The following MICAL3 variants were observed in gnomAD, a reference collection of about 807,000 sequenced individuals.
MICAL3 encodes the protein microtubule associated monooxygenase, calponin and LIM domain containing 3, also known as [F-actin]-monooxygenase MICAL3.
Under a neutral mutation model 207.4 loss-of-function variants are expected in MICAL3, and 62 were observed. That is an observed-to-expected ratio of 0.30 (90% CI 0.24 to 0.37). MICAL3 has a LOEUF of 0.37. Ranked by LOEUF, MICAL3 falls within the 10% of genes least tolerant of loss-of-function variation. MICAL3 has a pLI of 1.00. For synonymous variants in MICAL3, 1,077 were observed against 1,069.3 expected, an observed-to-expected ratio of 1.01 and a Z score of -0.14; for missense variants, 2,368 against 2,635.6, an observed-to-expected ratio of 0.90 and a Z score of 2.22.
intron 25 of MICAL3, 99 bp downstream of exon 25, chr22:17,821,328 G>T: frequency 1.9e-6 from 2 of 1,041,358 alleles, no homozygotes; most frequent in Non-Finnish European, 2.7e-6. Context: ...CCCCAGTCTT[G>T]GTGGGACCCA....
chr22:17,979,784 C>CAAA (rs35242147), intron 1 of MICAL3, among the ~76,000 whole-genome samples: 2 of 148,084 alleles, frequency 1.4e-5, no homozygotes, highest in African/African-American at 2.5e-5. Flanking sequence ...TTTAAAAAAA[C>CAAA]AAAAAAAAAC....
chr22:17,798,915 T>C lies in MICAL3; in HGVS notation c.5651-7614A>G, dbSNP rs1181410672. 6.6e-5 allele frequency among the ~76,000 whole-genome samples: 10 copies of C among 152,122 alleles called. No individual in the cohort carries two copies. In the East Asian group the frequency reaches 7.9e-4, roughly 12 times the overall value. ...GTCTCGATCTCCTGACCTTGTGATC[T>C]GCCCGCCTCGGCCTCCCAAAGTGCT... On this transcript the variant is annotated intron_variant, in intron 29 of 31. Coordinates refer to ENST00000441493, the MANE Select transcript of MICAL3 (RefSeq NM_015241.3).
At chr22:17,834,551 T>C (rs1015786714) in intron 20 of MICAL3, 1 of 1,157,596 alleles carries the variant, frequency 8.6e-7, no homozygotes, top group Non-Finnish European at 1.1e-6. Flanking sequence ...ACCCAGTCTC[T>C]ACAAAAAATA....
chr22:17,974,629 C>G (rs1300628668), intron 1 of MICAL3, among the ~76,000 whole-genome samples: 1 of 150,364 alleles, frequency 6.7e-6, no homozygotes, highest in East Asian at 2.0e-4. Context: ...GAGGCTGAGG[C>G]AGGAGAATCG....
At chr22:17,986,515 G>A (rs1303075025) in intron 1 of MICAL3, among the ~76,000 whole-genome samples, 2 of 151,208 alleles carry the variant, frequency 1.3e-5, no homozygotes, top group Admixed American at 6.6e-5. Context: ...GCGAGAATCT[G>A]TCTCAAAAAA....
intron 1 of MICAL3, among the ~76,000 whole-genome samples, chr22:17,965,377 C>A (rs1360044503): frequency 1.3e-5 from 2 of 152,174 alleles, no homozygotes; most frequent in African/African-American, 4.8e-5. Context: ...GAAGGCATGT[C>A]ACTAACACAA....
chr22:17,842,005 T>C lies in MICAL3; in HGVS notation c.2618A>G (p.Asn873Ser). Residue 873 changes from asparagine to serine, a missense_variant, in exon 20 of 32, where the codon AAC becomes AGC. Asn to Ser is a conservative substitution (Grantham distance 46). Transcript: ENST00000441493. ...GGCGATGCTGGGCTCCTCCAGGCCG[T>C]TCACGCCTGAACCTGCGGGACAAGC... ...STERTPGSGVNGLEEPSIAKR... is the reference protein window; with the variant it reads ...STERTPGSGVSGLEEPSIAKR... 1 of 1,602,412 alleles carries C rather than the reference T, an allele frequency of 6.2e-7. No homozygotes were observed. Among genetic ancestry groups the C allele is most frequent in the Non-Finnish European group, 8.5e-7 (1 of 1,179,316 alleles).
In MICAL3 at chr22:17,899,508, T is replaced by C; in HGVS notation, c.888A>G (p.Thr296=). ...LENIVYYKDD[T]HYFVMTAKKQ... ...TTTTGGCTGTCATAACGAAATAGTG[T>C]GTGTCATCTTTGTAGTAAACGATGT... is the stretch of plus-strand genomic sequence containing the variant. Residue 296 remains threonine, a synonymous_variant, in exon 7 of 32, where the codon ACA becomes ACG. Coordinates refer to ENST00000441493, the MANE Select transcript of MICAL3 (RefSeq NM_015241.3). The C allele has an allele frequency of 6.2e-7, 1 of 1,609,146 alleles. No individual in the cohort carries two copies. The highest frequency in any genetic ancestry group is 1.3e-5 in the African/African-American group (1 of 75,028).
intron 16 of MICAL3, among the ~76,000 whole-genome samples, chr22:17,877,855 T>C (rs777588981): frequency 5.9e-5 from 9 of 151,492 alleles, no homozygotes; most frequent in Non-Finnish European, 1.0e-4. Context: ...CTTCTTTTTT[T>C]TGAGACCGAG....
chr22:17,797,209 G>A (rs537784550), intron 29 of MICAL3, among the ~76,000 whole-genome samples: 4 of 152,244 alleles, frequency 2.6e-5, no homozygotes, highest in African/African-American at 7.2e-5. Flanking sequence ...GTGAGGATGC[G>A]GTCAGAAAGC....
chr22:17,831,014 G>A (rs950092715), intron 21 of MICAL3, among the ~76,000 whole-genome samples: 2 of 152,176 alleles, frequency 1.3e-5, no homozygotes, highest in African/African-American at 4.8e-5. Context: ...AAGCAGAGAT[G>A]AGCACAGTGC....
At chr22:18,000,035 G>A (rs547609237) in intron 1 of MICAL3, among the ~76,000 whole-genome samples, 1 of 152,284 alleles carries the variant, frequency 6.6e-6, no homozygotes, top group South Asian at 2.1e-4. Context: ...TGGCCTGTGT[G>A]CGGCCAGGTA....
At chr22:17,891,268 T>C (rs535677859) in intron 12 of MICAL3, among the ~76,000 whole-genome samples, 43 of 151,648 alleles carry the variant, frequency 2.8e-4, no homozygotes, top group Non-Finnish European at 5.7e-4. Flanking sequence ...AAAAAAAAAA[T>C]TGGAAAAAAA....
chr22:17,884,212 C>G, intron 16 of MICAL3: 2 of 1,184,460 alleles, frequency 1.7e-6, no homozygotes, highest in South Asian at 2.8e-5. Context: ...CTGGCTGGCT[C>G]AGGAGGAGGG....
At position 17,991,733 on chromosome 22, in the gene MICAL3, C is replaced by G. The variant is rs113502335; in HGVS notation, c.-75+32548G>C. On this transcript the variant is annotated intron_variant, in intron 1 of 31. Transcript: ENST00000441493. ...GTCTTAGAAAATAAAAGGTTAAAAC[C>G]CAAGCAAAACGGTATCTCACTCATC... Among the ~76,000 whole-genome samples, 702 of 152,040 alleles carry G rather than the reference C, an allele frequency of 4.6e-3. 6 individuals carry two copies. Among genetic ancestry groups the G allele is most frequent in the African/African-American group, 0.016 (660 of 41,448 alleles).
intron 1 of MICAL3, among the ~76,000 whole-genome samples, chr22:17,988,968 A>C (rs1364202673): frequency 6.6e-6 from 1 of 152,114 alleles, no homozygotes. Flanking sequence ...ATGGAACCTA[A>C]AACATTTACC....
rs1921218683 is a variant in MICAL3 at position 17,818,384 on chromosome 22, G to C, written c.4277C>G (p.Ser1426Cys). The C allele has an allele frequency of 6.2e-7, 1 of 1,609,052 alleles. No homozygotes were observed. Among genetic ancestry groups the C allele is most frequent in the Non-Finnish European group, 8.5e-7 (1 of 1,179,120 alleles). ...QEERRELSSS[S>C]GLGLHGSSSN... Reference sequence around the variant, plus strand: ...GGAGCTCCCGTGCAGGCCCAGGCCAGAGCTGCTGGACAGCTCCCTGCGCTC... The same window carrying C: ...GGAGCTCCCGTGCAGGCCCAGGCCACAGCTGCTGGACAGCTCCCTGCGCTC... The change falls in exon 26 of 32, where the codon TCT (serine) becomes TGT (cysteine). Residue 1426 changes from serine (S) to cysteine (C), a missense_variant. Coordinates refer to ENST00000441493, the MANE Select transcript of MICAL3 (RefSeq NM_015241.3).
intron 29 of MICAL3, among the ~76,000 whole-genome samples, chr22:17,792,630 CAGTT>C (rs760490861): frequency 1.3e-5 from 2 of 152,226 alleles, no homozygotes; most frequent in Non-Finnish European, 2.9e-5. Context: ...GTCTGCTAGA[CAGTT>C]AGTCTCTACC....
In MICAL3 at chr22:17,817,555, G is replaced by A. The variant is rs560953957; in HGVS notation, c.5106C>T (p.Leu1702=). 48 of 1,613,432 alleles carry A rather than the reference G, an allele frequency of 3.0e-5. No individual in the cohort carries two copies. In the South Asian group the frequency reaches 4.8e-4, roughly 16 times the overall value. Residue 1702 remains leucine (L), a synonymous_variant, in exon 26 of 32, where the codon CTC becomes CTT. Transcript: ENST00000441493. ...CCTTCTTGTTTCTGCGGGGGGAGAA[G>A]AGTGACGACCTCTTCTTGCTCTTCC... The part of the protein sequence containing the change: ...SSGKSKKRSS[L]FSPRRNKKEK...
Sources: allele counts gnomAD v4.1 joint callset (sites outside exome capture counted in the v4.1 genomes callset), GRCh38; gene constraint gnomAD v4.1.1; transcripts MANE v1.5; gene names NCBI Gene and HGNC (gene_info 2026-07-23, HGNC 2026-07-21).